Variants in EDA observed in about 807,000 individuals in gnomAD.
EDA encodes ectodysplasin A.
EDA carries 2 observed loss-of-function variants against 23.6 expected under a neutral mutation model. The ratio of observed to expected loss-of-function variants is 0.08; its 90% confidence interval spans 0.03 to 0.27. The LOEUF is 0.27. Ranked by LOEUF, EDA falls within the 10% of genes least tolerant of loss-of-function variation. EDA has a pLI of 1.00. For synonymous variants in EDA, 131 were observed against 132.0 expected, an observed-to-expected ratio of 0.99 and a Z score of 0.05; for missense variants, 229 against 324.2, an observed-to-expected ratio of 0.71 and a Z score of 2.26.
chrX:69,981,173 C>CAGTGGGGATCA (rs761142966), intron 2 of EDA, among the ~76,000 whole-genome samples: 3 of 111,742 alleles, frequency 2.7e-5, no homozygotes, highest in South Asian at 3.8e-4. Context: ...GGGTTCATCT[C>CAGTGGGGATCA]TCTTTACCGC....
At chrX:69,976,736 G>C (rs1442316154) in intron 2 of EDA, among the ~76,000 whole-genome samples, 3 of 106,875 alleles carry the variant, frequency 2.8e-5, no homozygotes, top group Non-Finnish European at 5.8e-5. Flanking sequence ...TTCTTAGGAA[G>C]AAATTCAATG....
chrX:69,663,379 G>A (rs776227764), intron 1 of EDA, among the ~76,000 whole-genome samples: 1 of 112,451 alleles, frequency 8.9e-6, no homozygotes, highest in African/African-American at 3.2e-5. Context: ...GTACAACTCG[G>A]CCTGTGACTT....
At chrX:69,753,164 A>G (rs1417010226) in intron 1 of EDA, among the ~76,000 whole-genome samples, 1 of 110,647 alleles carries the variant, frequency 9.0e-6, no homozygotes, top group Non-Finnish European at 1.9e-5. Flanking sequence ...TTTAATTGTG[A>G]TGTTAGGGTG....
At chrX:69,817,445 A>G (rs1485877284) in intron 1 of EDA, among the ~76,000 whole-genome samples, 1 of 111,933 alleles carries the variant, frequency 8.9e-6, no homozygotes, top group Non-Finnish European at 1.9e-5. Context: ...AAAAGCCAAG[A>G]CCCATTAGTA....
intron 1 of EDA, among the ~76,000 whole-genome samples, chrX:69,789,835 C>A (rs1468528679): frequency 4.5e-5 from 5 of 112,018 alleles, no homozygotes; most frequent in Non-Finnish European, 7.5e-5. Context: ...CTTAACATTC[C>A]AAGTGGCTGA....
At chrX:69,873,260 A>G (rs1457320383) in intron 1 of EDA, among the ~76,000 whole-genome samples, 1 of 112,087 alleles carries the variant, frequency 8.9e-6, no homozygotes, top group Non-Finnish European at 1.9e-5. Context: ...GCTAAGAGGA[A>G]AGTTCATAAC....
At chrX:69,932,166 G>A (rs561671694) in intron 1 of EDA, among the ~76,000 whole-genome samples, 1 of 111,855 alleles carries the variant, frequency 8.9e-6, no homozygotes, top group African/African-American at 3.2e-5. Context: ...CAGATCAGTC[G>A]TTACCTGGAA....
chrX:69,775,668 T>G (rs996168030), intron 1 of EDA, among the ~76,000 whole-genome samples: 1 of 112,169 alleles, frequency 8.9e-6, no homozygotes, highest in African/African-American at 3.2e-5. Flanking sequence ...TGATTTATTT[T>G]ATAAGTCCAA....
chrX:69,915,152 C>T (rs2018321954), intron 1 of EDA, among the ~76,000 whole-genome samples: 2 of 110,288 alleles, frequency 1.8e-5, no homozygotes, highest in Admixed American at 1.9e-4. Flanking sequence ...CTTTTCTATC[C>T]TCTCATAAGT....
At chrX:69,958,410 G>A (rs5936806) in intron 2 of EDA, among the ~76,000 whole-genome samples, 32,014 of 109,148 alleles carry the variant, frequency 0.29, 3,672 homozygotes, top group Non-Finnish European at 0.35. Flanking sequence ...TTTAGAGGGC[G>A]GAAGCTATTA....
intron 1 of EDA, among the ~76,000 whole-genome samples, chrX:69,650,786 G>T (rs1221793595): frequency 1.8e-5 from 2 of 111,373 alleles, no homozygotes; most frequent in East Asian, 5.6e-4. Context: ...GGGAGGGTCT[G>T]CTTTAATTAG....
At chrX:69,842,251 T>C (rs2016911447) in intron 1 of EDA, among the ~76,000 whole-genome samples, 1 of 111,799 alleles carries the variant, frequency 8.9e-6, no homozygotes, top group South Asian at 3.8e-4. Flanking sequence ...GTGCTCCTTA[T>C]GAGAATCTAA....
intron 1 of EDA, among the ~76,000 whole-genome samples, chrX:69,797,512 A>T (rs2015571556): frequency 9.0e-6 from 1 of 111,476 alleles, no homozygotes; most frequent in Non-Finnish European, 1.9e-5. Flanking sequence ...TGCTGTTCAT[A>T]AAAGAAGAAG....
chrX:69,626,261 G>C lies in EDA; in HGVS notation c.396+9557G>C, dbSNP rs994032799. On this transcript the variant is annotated intron_variant, in intron 1 of 7. Transcript: ENST00000374552. ...AAACAGTTTGTCAGTTCCTCAATAAGTTAACATAGAATTACAATATGACCC... is the reference window on the plus strand; with the variant it reads ...AAACAGTTTGTCAGTTCCTCAATAACTTAACATAGAATTACAATATGACCC... Among the ~76,000 whole-genome samples the C allele has an allele frequency of 5.4e-5, 6 of 111,485 alleles. No homozygotes were observed. In the Admixed American group the frequency reaches 5.7e-4, roughly 11 times the overall value.
intron 1 of EDA, among the ~76,000 whole-genome samples, chrX:69,796,418 C>A (rs2015547212): frequency 9.0e-6 from 1 of 111,479 alleles, no homozygotes; most frequent in Admixed American, 9.5e-5. Context: ...ACAGCTTCCA[C>A]AAATAACTAC....
intron 1 of EDA, among the ~76,000 whole-genome samples, chrX:69,867,571 G>A (rs912428912): frequency 8.9e-6 from 1 of 112,469 alleles, no homozygotes; most frequent in African/African-American, 3.2e-5. Context: ...ATTGCTCGAA[G>A]TTCTACCCAC....
intron 1 of EDA, among the ~76,000 whole-genome samples, chrX:69,730,533 C>A (rs1455455017): frequency 2.7e-5 from 3 of 111,992 alleles, no homozygotes; most frequent in African/African-American, 9.7e-5. Flanking sequence ...GTATAATGTT[C>A]TTGCATATTA....
At chrX:69,741,164 T>C (rs1602354814) in intron 1 of EDA, among the ~76,000 whole-genome samples, 1 of 111,008 alleles carries the variant, frequency 9.0e-6, no homozygotes, top group East Asian at 2.8e-4. Context: ...CCTTGAAGAC[T>C]TTGTCTACCA....
intron 1 of EDA, among the ~76,000 whole-genome samples, chrX:69,787,355 G>T (rs1320364881): frequency 9.8e-6 from 1 of 101,860 alleles, no homozygotes; most frequent in Non-Finnish European, 2.0e-5. Context: ...TGGTTATTTT[G>T]CTCGTTAGTT....
Sources: gnomAD v4.1 joint callset for allele counts (sites outside exome capture counted in the v4.1 genomes callset) on GRCh38, gnomAD v4.1.1 for gene constraint, MANE v1.5 for transcripts, NCBI Gene and HGNC (gene_info 2026-07-23, HGNC 2026-07-21) for gene names.